CR1: variants seen among roughly 807,000 people sequenced by gnomAD.
The protein encoded by CR1 is complement receptor type 1.
In CR1, 116 loss-of-function variants were observed where a neutral mutation model predicts 187.3. The observed-to-expected ratio is 0.62, with a 90% CI of 0.53 to 0.72. The LOEUF (loss-of-function observed/expected upper bound fraction) is 0.72. CR1 is among the 30% of genes least tolerant of loss of function. CR1 has a pLI of 0.00. For synonymous variants in CR1, 576 were observed against 747.1 expected (o/e 0.77, Z 3.73); for missense variants, 1,731 against 2,110.7 (o/e 0.82, Z 3.52).
intron 32 of CR1, among the ~76,000 whole-genome samples, chr1:207,584,102 C>A (rs1189806277): frequency 6.6e-6 from 1 of 151,274 alleles, no homozygotes; most frequent in Non-Finnish European, 1.5e-5. Flanking sequence ...ATTTTTTTTT[C>A]ATTGTGACAG....
At chr1:207,496,428 G>A in intron 1 of CR1, 40 bp downstream of exon 1, 2 of 1,565,352 alleles carry the variant, frequency 1.3e-6, no homozygotes, top group Non-Finnish European at 1.7e-6. Context: ...CCGGGCGGAC[G>A]AGGAACCCGG....
At chr1:207,526,331 G>C (rs1318461271) in intron 5 of CR1, among the ~76,000 whole-genome samples, 2 of 151,850 alleles carry the variant, frequency 1.3e-5, no homozygotes, top group Non-Finnish European at 2.9e-5. Context: ...TATTAGATGA[G>C]ACATGGGCAG....
At chr1:207,593,163 A>G (rs1474821355) in intron 35 of CR1, among the ~76,000 whole-genome samples, 2 of 151,960 alleles carry the variant, frequency 1.3e-5, no homozygotes, top group African/African-American at 4.8e-5. Context: ...AATCCTAAGC[A>G]AAAAGAACAA....
intron 28 of CR1, among the ~76,000 whole-genome samples, chr1:207,576,454 T>C (rs1353856171): frequency 4.6e-5 from 7 of 152,228 alleles, no homozygotes; most frequent in South Asian, 2.1e-4. Flanking sequence ...GTTTATTATA[T>C]GTAATATTGT....
intron 35 of CR1, among the ~76,000 whole-genome samples, chr1:207,594,394 G>T (rs575872021): frequency 1.3e-5 from 2 of 152,274 alleles, no homozygotes; most frequent in East Asian, 3.9e-4. Flanking sequence ...CTAAGTGGGA[G>T]TTGAACAATG....
chr1:207,580,739 T>A (rs1660911141), intron 31 of CR1, 126 bp downstream of exon 31: 1 of 875,082 alleles, frequency 1.1e-6, no homozygotes, highest in Non-Finnish European at 1.8e-6. Flanking sequence ...CCTCTGGAAG[T>A]GTAGCTTTAA....
In CR1 at chr1:207,523,984, G is replaced by A; in HGVS notation, c.861G>A (p.Glu287=). 2 of 1,611,788 alleles carry A rather than the reference G, an allele frequency of 1.2e-6. No individual in the cohort carries two copies. Among genetic ancestry groups the A allele is most frequent in the East Asian group, 2.2e-5 (1 of 44,884 alleles). The part of the protein sequence containing the change: ...RVKCQALNKW[E]PELPSCSRVC... Reference sequence around the variant, plus strand: ...AGTGCCAGGCCCTGAACAAATGGGAGCCGGAGCTACCAAGCTGCTCCAGGG... The same window carrying A: ...AGTGCCAGGCCCTGAACAAATGGGAACCGGAGCTACCAAGCTGCTCCAGGG... The change falls in exon 5 of 47, where the codon GAG becomes GAA. Residue 287 remains glutamate (E), a synonymous_variant. Transcript: ENST00000367049.
At chr1:207,578,304 G>A in intron 29 of CR1, 101 bp downstream of exon 29, 3 of 1,596,928 alleles carry the variant, frequency 1.9e-6, no homozygotes, top group Non-Finnish European at 2.6e-6. Context: ...ATGGTGAGGA[G>A]GGTGGGAAAG....
rs556006383 is a variant in CR1 at position 207,609,432 on chromosome 1, A to G, written c.6039A>G (p.Glu2013=). 7.8e-5 allele frequency: 126 copies of G among 1,614,024 alleles called. No individual in the cohort carries two copies. The South Asian group carries it at 1.3e-3, about 16-fold the overall frequency. Reference sequence around the variant, plus strand: ...AACAGCTGTTTGAGCTTGTGGGAGAACGGTCAATATATTGCACCAGCAAAG... The same window carrying G: ...AACAGCTGTTTGAGCTTGTGGGAGAGCGGTCAATATATTGCACCAGCAAAG... The part of the protein sequence containing the change: ...DGEQLFELVG[E]RSIYCTSKDD... The change falls in exon 37 of 47, where the codon GAA becomes GAG. Residue 2013 remains glutamate (E), a synonymous_variant. Coordinates refer to ENST00000367049, the MANE Select transcript of CR1 (RefSeq NM_000651.6).
At chr1:207,630,668 A>C in intron 46 of CR1, 47 bp downstream of exon 46, 1 of 1,328,362 alleles carries the variant, frequency 7.5e-7, no homozygotes, top group Non-Finnish European at 1.0e-6. Flanking sequence ...CAACTCAAAT[A>C]TCAAAAATGG....
At chr1:207,614,613 C>A in intron 40 of CR1, 124 bp downstream of exon 40, 5 of 667,380 alleles carry the variant, frequency 7.5e-6, no homozygotes, top group Non-Finnish European at 1.2e-5. Flanking sequence ...AAAAATACTT[C>A]TTTGTTGGAA....
intron 45 of CR1, among the ~76,000 whole-genome samples, chr1:207,624,587 G>A (rs1271092057): frequency 1.3e-5 from 2 of 152,114 alleles, no homozygotes; most frequent in African/African-American, 2.4e-5. Context: ...AAAGAACCTA[G>A]ACAGGAACTC....
chr1:207,498,771 G>A (rs555120766), intron 1 of CR1, among the ~76,000 whole-genome samples: 71 of 150,388 alleles, frequency 4.7e-4, no homozygotes, highest in Non-Finnish European at 9.3e-4. Context: ...CCAGCTACTC[G>A]GGAGGCTGAG....
chr1:207,579,181 G>A lies in CR1; in HGVS notation c.4936+978G>A, dbSNP rs572679485. 1.4e-4 allele frequency among the ~76,000 whole-genome samples: 21 copies of A among 152,306 alleles called. No homozygotes were observed. In the South Asian group the frequency reaches 1.4e-3, roughly 11 times the overall value. On this transcript the variant is annotated intron_variant, in intron 29 of 46. Transcript: ENST00000367049. ...TACTCTCCAAATAATATGCCCTCTC[G>A]TGACAAAGGACTGTCTTATTTAATG...
chr1:207,573,088 G>A (rs1660628356), intron 27 of CR1, among the ~76,000 whole-genome samples: 1 of 152,008 alleles, frequency 6.6e-6, no homozygotes, highest in Admixed American at 6.6e-5. Context: ...ATACTTGGGG[G>A]GAGACACAAT....
intron 35 of CR1, chr1:207,598,745 G>A (rs944509992): frequency 6.6e-6 from 1 of 152,212 alleles, no homozygotes; most frequent in African/African-American, 2.4e-5. Context: ...GAACAAGAGA[G>A]CGCTAACTAA....
rs535467396 is a variant in CR1 at position 207,616,578 on chromosome 1, T to A, written c.6665T>A (p.Ile2222Asn). ...WNSSVPVCEQ[I>N]FCPNPPAILN... ...AAAGCTCTTGTTTTCTTTCTAGAAA[T>A]CTTTTGTCCAAATCCTCCAGCTATC... is the stretch of plus-strand genomic sequence containing the variant. The change falls in exon 41 of 47, where the codon ATC (isoleucine) becomes AAC (asparagine). Residue 2222 changes from isoleucine to asparagine, a missense_variant. Coordinates refer to ENST00000367049, the MANE Select transcript of CR1 (RefSeq NM_000651.6). 6.2e-7 allele frequency: 1 copy of A among 1,613,030 alleles called. No homozygotes were observed. Among genetic ancestry groups the A allele is most frequent in the Non-Finnish European group, 8.5e-7 (1 of 1,179,418 alleles).
intron 1 of CR1, among the ~76,000 whole-genome samples, chr1:207,505,159 T>C (rs947773330): frequency 2.6e-5 from 4 of 152,108 alleles, no homozygotes; most frequent in African/African-American, 9.7e-5. Context: ...CCTTTGCTAT[T>C]ATTATTTTTA....
At chr1:207,638,144 T>G (rs2102424151) in intron 46 of CR1, among the ~76,000 whole-genome samples, 1 of 152,298 alleles carries the variant, frequency 6.6e-6, no homozygotes, top group South Asian at 2.1e-4. Context: ...GAGTTTTGAG[T>G]GTTCTATTAG....
Sources: gnomAD v4.1 joint callset for allele counts (sites outside exome capture counted in the v4.1 genomes callset) on GRCh38, gnomAD v4.1.1 for gene constraint, MANE v1.5 for transcripts, NCBI Gene and HGNC (gene_info 2026-07-23, HGNC 2026-07-21) for gene names.